Variants in TNKS observed in about 807,000 individuals in gnomAD.
TNKS encodes tankyrase.
In TNKS, 72 loss-of-function variants were observed where a neutral mutation model predicts 135.8. The ratio of observed to expected loss-of-function variants is 0.53; its 90% confidence interval spans 0.44 to 0.64. The LOEUF (loss-of-function observed/expected upper bound fraction) is 0.64. Among genes scored for constraint, TNKS ranks in the 30% least tolerant of loss-of-function variants. The probability of loss-of-function intolerance (pLI) is 0.00; values close to 1 mark genes in which losing one functional copy is unlikely to be tolerated. For missense variants in TNKS, 1,769 were observed against 1,674.0 expected (o/e 1.06, Z -0.99); for synonymous variants, 849 against 649.3 (o/e 1.31, Z -4.68).
chr8:9,706,263 A>G lies in TNKS; in HGVS notation c.1269+10A>G. 7.7e-6 allele frequency: 12 copies of G among 1,549,636 alleles called. No homozygotes were observed. The highest frequency in any genetic ancestry group is 1.0e-5 in the Non-Finnish European group (12 of 1,150,266). On this transcript the variant is annotated intron_variant, in intron 7 of 26. Transcript: ENST00000310430. ...AGAACTGCTACTAAAGGTAAGAGAA[A>G]TTCAGAATATTGAGCATCATTTACT...
intron 8 of TNKS, 94 bp downstream of exon 8, chr8:9,707,091 T>C: frequency 9.5e-7 from 1 of 1,054,640 alleles, no homozygotes; most frequent in South Asian, 1.9e-5. Flanking sequence ...CTTCCATTCT[T>C]ACAAGCAGAC....
chr8:9,575,317 C>T, intron 1 of TNKS: 1 of 823,884 alleles, frequency 1.2e-6, no homozygotes, highest in Non-Finnish European at 1.5e-6. Context: ...GATTTCCTGA[C>T]CTCGTGATCC....
At chr8:9,638,283 TATATTTCCCTG>T (rs1225514943) in intron 3 of TNKS, among the ~76,000 whole-genome samples, 2 of 152,254 alleles carry the variant, frequency 1.3e-5, no homozygotes, top group Non-Finnish European at 2.9e-5. Flanking sequence ...CCTAAATTCT[TATATTTCCCTG>T]TGTTTGCCTT....
chr8:9,735,321 T>G, intron 16 of TNKS, 56 bp from the exon 17 acceptor site: 1 of 1,462,996 alleles, frequency 6.8e-7, no homozygotes, highest in South Asian at 1.2e-5. Flanking sequence ...TACATATGTA[T>G]GTATTTTTTT....
rs368048500 is a variant in TNKS at position 9,765,818 on chromosome 8, G to T, written c.3553+21G>T. On this transcript the variant is annotated intron_variant, in intron 24 of 26. Coordinates refer to ENST00000310430, the MANE Select transcript of TNKS (RefSeq NM_003747.3). ...TCATGGTAAGCAGCGTGGCAGGGAC[G>T]GTGGACGTCTCCCTGGGCCTTTGCA... 7 of 1,598,968 alleles carry T rather than the reference G, an allele frequency of 4.4e-6. No homozygotes were observed. In the South Asian group the frequency reaches 7.7e-5, roughly 18 times the overall value.
intron 24 of TNKS, 92 bp downstream of exon 24, chr8:9,765,889 G>T (rs1807415333): frequency 9.3e-7 from 1 of 1,069,846 alleles, no homozygotes; most frequent in East Asian, 2.4e-5. Context: ...CTATAATACG[G>T]TTGTGTTAAA....
At chr8:9,608,008 T>A (rs967331171) in intron 2 of TNKS, among the ~76,000 whole-genome samples, 4 of 152,186 alleles carry the variant, frequency 2.6e-5, no homozygotes, top group Non-Finnish European at 5.9e-5. Context: ...GGTGCGATCA[T>A]GGCTCACTGC....
chr8:9,559,860 G>A (rs934999954), intron 1 of TNKS, among the ~76,000 whole-genome samples: 4 of 152,140 alleles, frequency 2.6e-5, no homozygotes, highest in African/African-American at 9.7e-5. Context: ...AATTTGTTTA[G>A]AATATGGTTT....
chr8:9,593,687 T>C (rs1043334638), intron 2 of TNKS, among the ~76,000 whole-genome samples: 2 of 152,120 alleles, frequency 1.3e-5, no homozygotes, highest in Non-Finnish European at 2.9e-5. Context: ...TAGAAAGATA[T>C]GTTTCATTTC....
At chr8:9,564,130 G>C (rs1412040046) in intron 1 of TNKS, among the ~76,000 whole-genome samples, 1 of 152,092 alleles carries the variant, frequency 6.6e-6, no homozygotes, top group African/African-American at 2.4e-5. Flanking sequence ...CTTAACCGGA[G>C]ACATTGTGCT....
chr8:9,773,219 AAT>A (rs1255545049), intron 26 of TNKS, among the ~76,000 whole-genome samples: 1 of 151,912 alleles, frequency 6.6e-6, no homozygotes, highest in Non-Finnish European at 1.5e-5. Flanking sequence ...TGAATATATG[AAT>A]AGTCATCACT....
At chr8:9,672,711 C>CACAAAAAA (rs1399922732) in intron 3 of TNKS, among the ~76,000 whole-genome samples, 1 of 85,242 alleles carries the variant, frequency 1.2e-5, no homozygotes, top group Non-Finnish European at 2.2e-5. Flanking sequence ...CACACACACA[C>CACAAAAAA]AAAAAAAAAA....
chr8:9,602,551 G>C (rs1799057445), intron 2 of TNKS, among the ~76,000 whole-genome samples: 1 of 152,174 alleles, frequency 6.6e-6, no homozygotes, highest in Non-Finnish European at 1.5e-5. Context: ...ATTGTAGCCT[G>C]TGAGGATACT....
Position 9,655,106 on chromosome 8 carries a change from G to T in TNKS, c.995-24845G>T, listed in dbSNP as rs148656135. ...CACCAGGAGATTATATCCTGCACCT[G>T]GCTTGGAGGATCCTACGCCCATGGA... is the stretch of plus-strand genomic sequence containing the variant. On this transcript the variant is annotated intron_variant, in intron 3 of 26. Transcript: ENST00000310430. 9.6e-3 allele frequency among the ~76,000 whole-genome samples: 1,461 copies of T among 152,340 alleles called. 19 individuals carry two copies. Among genetic ancestry groups the T allele is most frequent in the African/African-American group, 0.033 (1,375 of 41,576 alleles).
intron 1 of TNKS, among the ~76,000 whole-genome samples, chr8:9,565,865 T>A (rs1012076522): frequency 6.6e-6 from 1 of 151,682 alleles, no homozygotes; most frequent in East Asian, 1.9e-4. Context: ...TCAAAAAAAA[T>A]AAAAATAAAT....
intron 3 of TNKS, among the ~76,000 whole-genome samples, chr8:9,669,947 T>G (rs1191665710): frequency 6.6e-6 from 1 of 152,170 alleles, no homozygotes; most frequent in Non-Finnish European, 1.5e-5. Context: ...AGAAAACCAG[T>G]TTGCTTTTTC....
chr8:9,620,791 G>A (rs563354249), intron 3 of TNKS, among the ~76,000 whole-genome samples: 1 of 152,184 alleles, frequency 6.6e-6, no homozygotes, highest in East Asian at 1.9e-4. Flanking sequence ...TGTCCCTGGT[G>A]CCATCAGCCT....
At chr8:9,772,598 G>A (rs1807978329) in intron 26 of TNKS, among the ~76,000 whole-genome samples, 1 of 152,090 alleles carries the variant, frequency 6.6e-6, no homozygotes, top group African/African-American at 2.4e-5. Context: ...AGTATTGGAA[G>A]AGAAAGTACA....
rs1453833241 is a variant in TNKS, at chr8:9,778,584, G to C, written c.*1848G>C. On this transcript the variant is annotated 3_prime_UTR_variant, in exon 27 of 27. Transcript: ENST00000310430. ...AGTTGTTGCTTCTTTTGAAGTTTCAGTGACCCAAGCTGGGTGTTTGTGTCT... is the reference window on the plus strand; with the variant it reads ...AGTTGTTGCTTCTTTTGAAGTTTCACTGACCCAAGCTGGGTGTTTGTGTCT... 6.6e-6 allele frequency: 1 copy of C among 152,612 alleles called. No individual in the cohort carries two copies. The highest frequency in any genetic ancestry group is 1.5e-5 in the Non-Finnish European group (1 of 68,042). 9.5% of individuals were successfully genotyped at this position (152,612 alleles called of 1,614,324 possible). A position where few individuals can be genotyped will look rare whatever the true frequency, so the allele number is the denominator to read the frequency against.
Sources: gnomAD v4.1 joint callset for allele counts (sites outside exome capture counted in the v4.1 genomes callset) on GRCh38, gnomAD v4.1.1 for gene constraint, MANE v1.5 for transcripts, NCBI Gene and HGNC (gene_info 2026-07-23, HGNC 2026-07-21) for gene names.